The following AHRR variants were observed in gnomAD, a reference collection of about 807,000 sequenced individuals.
The protein encoded by AHRR is aryl hydrocarbon receptor repressor.
AHRR carries 28 observed loss-of-function variants against 44.0 expected under a neutral mutation model. That is an observed-to-expected ratio of 0.64 (90% CI 0.47 to 0.87). The LOEUF (loss-of-function observed/expected upper bound fraction) is 0.87. AHRR is among the 40% of genes least tolerant of loss of function. AHRR has a pLI of 0.00. For missense variants in AHRR, 990 were observed against 953.9 expected (o/e 1.04, Z -0.50); for synonymous variants, 434 against 407.0 (o/e 1.07, Z -0.80).
intron 1 of AHRR, chr5:322,597 C>T (rs1478353961): frequency 1.3e-5 from 2 of 152,212 alleles, no homozygotes; most frequent in African/African-American, 2.4e-5. Context: ...AAACGCCACC[C>T]CCACGGGGCC....
chr5:351,865 G>C (rs904296750), intron 2 of AHRR, among the ~76,000 whole-genome samples: 1 of 152,240 alleles, frequency 6.6e-6, no homozygotes, highest in Non-Finnish European at 1.5e-5. Flanking sequence ...AGAACAGATT[G>C]TTTCAGACTT....
At chr5:431,608 G>A (rs1736734899) in intron 8 of AHRR, among the ~76,000 whole-genome samples, 1 of 151,356 alleles carries the variant, frequency 6.6e-6, no homozygotes, top group South Asian at 2.1e-4. Flanking sequence ...CCCAACAGCA[G>A]CCCCCATGGC....
rs112641674 is a variant in AHRR at position 416,904 on chromosome 5, G to T, written c.441+3471G>T. Among the ~76,000 whole-genome samples the T allele has an allele frequency of 5.1e-3, 782 of 152,198 alleles. 4 individuals carry two copies. Among genetic ancestry groups the T allele is most frequent in the African/African-American group, 0.018 (748 of 41,500 alleles). On this transcript the variant is annotated intron_variant, in intron 5 of 10. Coordinates refer to ENST00000684583, the MANE Select transcript of AHRR (RefSeq NM_001377236.1). ...GAAGGTGGCTTGGTCCATATGTGCA[G>T]GTCCCGAGTCTAGAGAAGGCGGCTT... is the stretch of plus-strand genomic sequence containing the variant.
In AHRR at chr5:435,984, A is replaced by T. The variant is rs1737014375; in HGVS notation, c.*1150A>T. 1.3e-5 allele frequency: 2 copies of T among 152,772 alleles called. No homozygotes were observed. Among genetic ancestry groups the T allele is most frequent in the African/African-American group, 4.8e-5 (2 of 41,534 alleles). The allele number at this position is 152,772 out of a possible 1,614,324, so 9.5% of individuals were successfully genotyped here. A position where few individuals can be genotyped will look rare whatever the true frequency, so the allele number is the denominator to read the frequency against. ...CTTCCACGGTCTGGCCTGGAACCCC[A>T]CCCGGCTGGTGCAGGCATCAGATCA... is the stretch of plus-strand genomic sequence containing the variant. On this transcript the variant is annotated 3_prime_UTR_variant, in exon 11 of 11. Transcript: ENST00000684583.
intron 5 of AHRR, among the ~76,000 whole-genome samples, chr5:416,484 A>T (rs1479664066): frequency 1.3e-5 from 2 of 152,200 alleles, no homozygotes; most frequent in African/African-American, 2.4e-5. Flanking sequence ...GGCTTTGCTG[A>T]GTGTGCCCTG....
At chr5:336,737 A>G (rs1307684325) in intron 1 of AHRR, among the ~76,000 whole-genome samples, 1 of 152,212 alleles carries the variant, frequency 6.6e-6, no homozygotes, top group Non-Finnish European at 1.5e-5. Flanking sequence ...TCATTATCCA[A>G]TCAAAGCCAT....
In AHRR at chr5:389,018, G is replaced by A. The variant is rs190619209; in HGVS notation, c.351+12302G>A. On this transcript the variant is annotated intron_variant, in intron 4 of 10. Transcript: ENST00000684583. ...CTGGCTGGGGCTCAGGGCTGTCCTG[G>A]GGGCCCTGCTGGGCCAGACGCCCCA... Among the ~76,000 whole-genome samples the A allele has an allele frequency of 3.5e-4, 54 of 152,262 alleles. 1 individual carries two copies. Among genetic ancestry groups the A allele is most frequent in the African/African-American group, 1.3e-3 (52 of 41,554 alleles).
chr5:432,600 C>G, intron 9 of AHRR, 76 bp downstream of exon 9: 1 of 1,551,550 alleles, frequency 6.4e-7, no homozygotes, highest in East Asian at 2.2e-5. Flanking sequence ...CTTCCCCGCC[C>G]AGTGGAGATG....
intron 3 of AHRR, among the ~76,000 whole-genome samples, chr5:367,200 C>T (rs977497902): frequency 6.6e-6 from 1 of 152,210 alleles, no homozygotes; most frequent in African/African-American, 2.4e-5. Context: ...CCCAGCTGCT[C>T]CCACCCTGGA....
At chr5:323,669 G>T (rs575651962) in intron 1 of AHRR, among the ~76,000 whole-genome samples, 243 of 152,304 alleles carry the variant, frequency 1.6e-3, no homozygotes, top group Non-Finnish European at 2.9e-3. Context: ...ACCCGTGCTG[G>T]GTGCTGAGAC....
Position 406,181 on chromosome 5 carries a change from G to C in AHRR, c.352-7163G>C, listed in dbSNP as rs961024079. ...ATGGGAACCTGCCACAGCTGGGCTT[G>C]GGCGAGGGGCCCACGGTGTCGCTGG... On this transcript the variant is annotated intron_variant, in intron 4 of 10. Coordinates refer to ENST00000684583, the MANE Select transcript of AHRR (RefSeq NM_001377236.1). This position sits in a 1 kb window ranked among gnomAD's most constrained non-coding sequence, Gnocchi z 4.7. Among the ~76,000 whole-genome samples the C allele has an allele frequency of 3.3e-5, 5 of 152,340 alleles. No homozygotes were observed. Among genetic ancestry groups the C allele is most frequent in the Admixed American group, 6.5e-5 (1 of 15,304 alleles).
chr5:407,020 G>A (rs1296593199), intron 4 of AHRR, among the ~76,000 whole-genome samples: 1 of 152,154 alleles, frequency 6.6e-6, no homozygotes, highest in Non-Finnish European at 1.5e-5. Context: ...ATTTCTGGAT[G>A]TTCCATTCTA....
chr5:416,453 T>C lies in AHRR; in HGVS notation c.441+3020T>C, dbSNP rs568631678. Among the ~76,000 whole-genome samples the C allele has an allele frequency of 3.3e-5, 5 of 152,394 alleles. No individual in the cohort carries two copies. In the East Asian group the frequency reaches 9.6e-4, roughly 29 times the overall value. On this transcript the variant is annotated intron_variant, in intron 5 of 10. Coordinates refer to ENST00000684583, the MANE Select transcript of AHRR (RefSeq NM_001377236.1). ...GAGTGACATCGCTCTAGGCGGCTGC[T>C]GTTGACACCACGTGACCACAGGCTT...
At chr5:376,557 A>AACCGTGGGGTGAAGGC in intron 3 of AHRR, 53 bp from the exon 4 acceptor site, 1 of 1,423,184 alleles carries the variant, frequency 7.0e-7, no homozygotes, top group Non-Finnish European at 9.5e-7. Flanking sequence ...AATGAAGAAG[A>AACCGTGGGGTGAAGGC]GTGGCCAGGC....
chr5:415,372 C>T (rs1402255835), intron 5 of AHRR, among the ~76,000 whole-genome samples: 29 of 118,996 alleles, frequency 2.4e-4, no homozygotes, highest in African/African-American at 5.7e-4. Context: ...TCTCCCTGGT[C>T]GGGTGGGAGG....
At chr5:367,264 G>A (rs1045383180) in intron 3 of AHRR, among the ~76,000 whole-genome samples, 3 of 152,226 alleles carry the variant, frequency 2.0e-5, no homozygotes, top group Admixed American at 6.5e-5. Context: ...ACGGGAGTTC[G>A]TGGGCACGTG....
At position 433,886 on chromosome 5, in the gene AHRR, C is replaced by G. The variant is rs770223890; in HGVS notation, c.1146C>G (p.Ser382Arg). The change falls in exon 11 of 11, where the codon AGC (serine) becomes AGG (arginine). Residue 382 changes from serine to arginine, a missense_variant. Coordinates refer to ENST00000684583, the MANE Select transcript of AHRR (RefSeq NM_001377236.1). ...DREEEQHRML[S>R]RASGVTGRRE... Reference sequence around the variant, plus strand: ...AGGAGGAGCAGCACAGGATGCTGAGCAGGGCCTCTGGAGTGACAGGGCGGA... The same window carrying G: ...AGGAGGAGCAGCACAGGATGCTGAGGAGGGCCTCTGGAGTGACAGGGCGGA... 1 of 1,513,916 alleles carries G rather than the reference C, an allele frequency of 6.6e-7. No homozygotes were observed. Among genetic ancestry groups the G allele is most frequent in the Admixed American group, 2.3e-5 (1 of 43,868 alleles). 93.8% of individuals were successfully genotyped at this position (1,513,916 alleles called of 1,614,324 possible).
chr5:343,895 C>G lies in AHRR; in HGVS notation c.-8C>G. Reference sequence around the variant, plus strand: ...CCGGGTGCCCCCTTGTCTTCCAGGCCGAGGACGATGATCCCGCCGGGGGAG... The same window carrying G: ...CCGGGTGCCCCCTTGTCTTCCAGGCGGAGGACGATGATCCCGCCGGGGGAG... On this transcript the variant is annotated splice_region_variant and 5_prime_UTR_variant, in exon 2 of 11. Transcript: ENST00000684583. 6.3e-7 allele frequency: 1 copy of G among 1,598,798 alleles called. No homozygotes were observed. Among genetic ancestry groups the G allele is most frequent in the Non-Finnish European group, 8.5e-7 (1 of 1,173,668 alleles).
chr5:345,024 G>A (rs1245489488), intron 2 of AHRR, among the ~76,000 whole-genome samples: 1 of 137,910 alleles, frequency 7.3e-6, no homozygotes, highest in African/African-American at 2.8e-5. Context: ...GTGTGTGTGC[G>A]AGGGGGACTA....
Sources: gnomAD v4.1 joint callset for allele counts (sites outside exome capture counted in the v4.1 genomes callset) on GRCh38, gnomAD v4.1.1 for gene constraint, Gnocchi (gnomAD v3.1) non-coding constraint, MANE v1.5 for transcripts, NCBI Gene and HGNC (gene_info 2026-07-23, HGNC 2026-07-21) for gene names.